The following SDCBP variants were observed in gnomAD, a reference collection of about 807,000 sequenced individuals.
SDCBP encodes syntenin-1.
Under a neutral mutation model 30.5 loss-of-function variants are expected in SDCBP, and 22 were observed. That is an observed-to-expected ratio of 0.72 (90% CI 0.52 to 1.03). The LOEUF is 1.03. Ranked by LOEUF, SDCBP falls within the 50% of genes least tolerant of loss-of-function variation. The pLI, the probability that SDCBP is intolerant of heterozygous loss-of-function variation, is 0.00. For missense variants in SDCBP, 304 were observed against 369.9 expected (o/e 0.82, Z 1.46); for synonymous variants, 103 against 118.7 (o/e 0.87, Z 0.86).
At position 58,576,081 on chromosome 8, in the gene SDCBP, A is replaced by G; in HGVS notation, c.402+20A>G. ...GATAATGTAAGTATTTTAAATACCT[A>G]TTTGAATTTGTCTAAATCTCTTACA... On this transcript the variant is annotated intron_variant, in intron 5 of 8. Transcript: ENST00000260130. 6.5e-7 allele frequency: 1 copy of G among 1,543,346 alleles called. No individual in the cohort carries two copies. The highest frequency in any genetic ancestry group is 8.9e-7 in the Non-Finnish European group (1 of 1,118,646).
At chr8:58,577,431 T>A (rs1291823212) in intron 5 of SDCBP, among the ~76,000 whole-genome samples, 1 of 152,250 alleles carries the variant, frequency 6.6e-6, no homozygotes, top group Non-Finnish European at 1.5e-5. Context: ...TTTATTTCAT[T>A]GTGTGTTCTT....
chr8:58,571,750 C>T (rs1805039784), intron 3 of SDCBP, among the ~76,000 whole-genome samples: 1 of 151,954 alleles, frequency 6.6e-6, no homozygotes, highest in Non-Finnish European at 1.5e-5. Context: ...TTACAAGCTT[C>T]CAAAAAAAAT....
chr8:58,564,556 T>C (rs1585686496), intron 1 of SDCBP, among the ~76,000 whole-genome samples: 4 of 152,244 alleles, frequency 2.6e-5, no homozygotes, highest in Admixed American at 2.0e-4. Context: ...TATATTTTTC[T>C]TAGTAATAGA....
chr8:58,564,142 A>G (rs889583781), intron 1 of SDCBP, among the ~76,000 whole-genome samples: 2 of 152,190 alleles, frequency 1.3e-5, no homozygotes, highest in African/African-American at 4.8e-5. Flanking sequence ...TAACAGAGCA[A>G]TGTTGAAAGA....
chr8:58,561,560 T>C, intron 1 of SDCBP: 3 of 417,790 alleles, frequency 7.2e-6, no homozygotes, highest in Non-Finnish European at 8.6e-6. Flanking sequence ...TGGGATGATA[T>C]AGTCAAACTG....
At chr8:58,571,119 A>G (rs1379572840) in intron 3 of SDCBP, among the ~76,000 whole-genome samples, 154 bp downstream of exon 3, 2 of 152,196 alleles carry the variant, frequency 1.3e-5, no homozygotes, top group East Asian at 3.8e-4. Context: ...GTTTACTTCA[A>G]AAAATAACCC....
At chr8:58,555,232 CT>C (rs1804033576) in intron 1 of SDCBP, among the ~76,000 whole-genome samples, 1 of 152,182 alleles carries the variant, frequency 6.6e-6, no homozygotes, top group Non-Finnish European at 1.5e-5. Flanking sequence ...TATTTTTACA[CT>C]TCAGGTTTTG....
chr8:58,580,046 A>T, intron 7 of SDCBP: 2 of 351,318 alleles, frequency 5.7e-6, no homozygotes, highest in Non-Finnish European at 5.1e-6. Context: ...TATGGGCAAC[A>T]AAGATTTAGA....
chr8:58,570,566 A>C, intron 2 of SDCBP: 1 of 191,414 alleles, frequency 5.2e-6, no homozygotes, highest in Admixed American at 5.9e-5. Context: ...TGAAAATGTA[A>C]AATTTATTCA....
chr8:58,571,660 G>A (rs1330933974), intron 3 of SDCBP, among the ~76,000 whole-genome samples: 11 of 152,098 alleles, frequency 7.2e-5, no homozygotes, highest in African/African-American at 2.4e-4. Context: ...GTGAAATAAT[G>A]TTAATATTTA....
chr8:58,557,430 TATATAATAC>T lies in SDCBP; in HGVS notation c.-16+4141_-16+4149del, dbSNP rs1412857089. Among the ~76,000 whole-genome samples, 6 of 143,796 alleles carry T rather than the reference TATATAATAC, an allele frequency of 4.2e-5. No homozygotes were observed. The South Asian group carries it at 8.4e-4, about 20-fold the overall frequency. The allele number at this position is 143,796 out of a possible 152,430, so 94.3% of individuals were successfully genotyped here. ...ATATAATGTAATATAATATATATTA[TATATAATAC>T]ATATAATACATATTATATAATACAT... On this transcript the variant is annotated intron_variant, in intron 1 of 8. Transcript: ENST00000260130.
chr8:58,578,576 C>T (rs112768687), intron 6 of SDCBP, among the ~76,000 whole-genome samples: 2 of 152,128 alleles, frequency 1.3e-5, no homozygotes, highest in African/African-American at 2.4e-5. Flanking sequence ...TGCAGACTTC[C>T]AAGTAGTATG....
chr8:58,577,986 G>A (rs141154851), intron 5 of SDCBP, 47 bp from the exon 6 acceptor site: 60 of 1,409,556 alleles, frequency 4.3e-5, no homozygotes, highest in Admixed American at 2.2e-4. Flanking sequence ...GTTTAAAACC[G>A]TATCATAGTA....
intron 8 of SDCBP, among the ~76,000 whole-genome samples, chr8:58,581,128 T>C (rs1257773498): frequency 6.6e-6 from 1 of 151,758 alleles, no homozygotes; most frequent in Non-Finnish European, 1.5e-5. Flanking sequence ...GTTCCTTCTA[T>C]AGAGCTTTTC....
chr8:58,581,799 C>G lies in SDCBP; in HGVS notation c.*59C>G. On this transcript the variant is annotated 3_prime_UTR_variant, in exon 9 of 9. Coordinates refer to ENST00000260130, the MANE Select transcript of SDCBP (RefSeq NM_005625.4). The stretch of plus-strand genomic sequence containing the variant: ...CTCCAGTTTCCTTCTTTGGCAACTT[C>G]TGTATTATGCACGTGAAGCCTTCCC... 7.0e-7 allele frequency: 1 copy of G among 1,421,406 alleles called. No individual in the cohort carries two copies. Among genetic ancestry groups the G allele is most frequent in the South Asian group, 1.1e-5 (1 of 87,036 alleles). The allele number at this position is 1,421,406 out of a possible 1,614,324, so 88.0% of individuals were successfully genotyped here.
intron 2 of SDCBP, among the ~76,000 whole-genome samples, chr8:58,566,861 G>A (rs971464211): frequency 9.2e-5 from 14 of 152,154 alleles, no homozygotes; most frequent in African/African-American, 2.9e-4. Context: ...AAACTATTCT[G>A]CAGTAGCCAC....
At chr8:58,561,982 TAGA>T (rs1239433859) in intron 1 of SDCBP, among the ~76,000 whole-genome samples, 3 of 151,916 alleles carry the variant, frequency 2.0e-5, no homozygotes, top group Non-Finnish European at 2.9e-5. Context: ...ATAGGTTTAT[TAGA>T]AGATGTTTTA....
intron 1 of SDCBP, among the ~76,000 whole-genome samples, chr8:58,556,170 G>A (rs961494543): frequency 2.0e-5 from 3 of 152,142 alleles, no homozygotes; most frequent in African/African-American, 7.2e-5. Flanking sequence ...GACATTTTTG[G>A]CACCAGGGAC....
chr8:58,582,273 CAAG>C lies in SDCBP; in HGVS notation c.*535_*537del, dbSNP rs1425977480. On this transcript the variant is annotated 3_prime_UTR_variant, in exon 9 of 9. Coordinates refer to ENST00000260130, the MANE Select transcript of SDCBP (RefSeq NM_005625.4). ...AGCATTAAACAGTGTATGTAGGTTT[CAAG>C]AGATTGTGATGATTCTTAAATTTTA... 1.3e-5 allele frequency: 2 copies of C among 152,606 alleles called. No homozygotes were observed. Among genetic ancestry groups the C allele is most frequent in the Non-Finnish European group, 2.9e-5 (2 of 68,142 alleles). 9.5% of individuals were successfully genotyped at this position (152,606 alleles called of 1,614,324 possible). A position where few individuals can be genotyped will look rare whatever the true frequency, so the allele number is the denominator to read the frequency against.
Sources: gnomAD v4.1 joint callset for allele counts (sites outside exome capture counted in the v4.1 genomes callset) on GRCh38, gnomAD v4.1.1 for gene constraint, MANE v1.5 for transcripts, NCBI Gene and HGNC (gene_info 2026-07-23, HGNC 2026-07-21) for gene names.